Variants in LDLRAD4 observed in about 807,000 individuals in gnomAD.
LDLRAD4 encodes low density lipoprotein receptor class A domain containing 4, also known as low-density lipoprotein receptor class A domain-containing protein 4.
LDLRAD4 carries 5 observed loss-of-function variants against 17.0 expected under a neutral mutation model. The ratio of observed to expected loss-of-function variants is 0.29; its 90% CI spans 0.15 to 0.62. The LOEUF is 0.62. Ranked by LOEUF, LDLRAD4 falls within the 20% of genes least tolerant of loss-of-function variation. The pLI is 0.84. For synonymous variants in LDLRAD4, 168 were observed against 171.8 expected (o/e 0.98, Z 0.17); for missense variants, 340 against 424.7 (o/e 0.80, Z 1.75).
At chr18:13,232,266 C>T (rs923947099) in intron 1 of LDLRAD4, among the ~76,000 whole-genome samples, 1 of 152,210 alleles carries the variant, frequency 6.6e-6, no homozygotes, top group Admixed American at 6.5e-5. Context: ...AGTGCAGAGA[C>T]TTGGCCTGGT....
chr18:13,379,518 A>T (rs965895351), intron 1 of LDLRAD4, among the ~76,000 whole-genome samples: 1 of 152,240 alleles, frequency 6.6e-6, no homozygotes, highest in Non-Finnish European at 1.5e-5. Context: ...AGACACAAGG[A>T]TCTGGGCCCC....
intron 1 of LDLRAD4, among the ~76,000 whole-genome samples, chr18:13,279,102 C>T (rs117607381): frequency 0.018 from 2,685 of 152,254 alleles, 25 homozygotes; most frequent in Middle Eastern, 0.031. Flanking sequence ...CTGCTGAGCT[C>T]GTGTGTTTCT....
At chr18:13,306,334 C>G (rs2046912682) in intron 1 of LDLRAD4, among the ~76,000 whole-genome samples, 1 of 152,228 alleles carries the variant, frequency 6.6e-6, no homozygotes, top group Non-Finnish European at 1.5e-5. Flanking sequence ...AGTGAGAACT[C>G]TTTTCCTGGA....
At chr18:13,325,841 C>A (rs930817535) in intron 1 of LDLRAD4, among the ~76,000 whole-genome samples, 2 of 152,144 alleles carry the variant, frequency 1.3e-5, no homozygotes, top group Non-Finnish European at 2.9e-5. Context: ...CAAGCTCCCC[C>A]TCCCGGGTTC....
chr18:13,632,377 G>A (rs2041742866), intron 4 of LDLRAD4, among the ~76,000 whole-genome samples: 1 of 152,272 alleles, frequency 6.6e-6, no homozygotes, highest in Admixed American at 6.5e-5. Flanking sequence ...TCCAGCCACT[G>A]TGCACAGCCA....
chr18:13,324,164 G>T (rs1324491930), intron 1 of LDLRAD4, among the ~76,000 whole-genome samples: 2 of 150,032 alleles, frequency 1.3e-5, no homozygotes, highest in African/African-American at 4.9e-5. Context: ...TTGAGACGGA[G>T]TCTCGCTCTG....
At chr18:13,399,168 G>C (rs949717754) in intron 2 of LDLRAD4, among the ~76,000 whole-genome samples, 1 of 151,944 alleles carries the variant, frequency 6.6e-6, no homozygotes, top group Non-Finnish European at 1.5e-5. Flanking sequence ...TTGCACTCCA[G>C]CCTGGGTGAC....
At chr18:13,429,565 A>G (rs1475928714) in intron 2 of LDLRAD4, among the ~76,000 whole-genome samples, 1 of 152,256 alleles carries the variant, frequency 6.6e-6, no homozygotes, top group Non-Finnish European at 1.5e-5. Flanking sequence ...GTACCAAAGA[A>G]CTAATGTGGG....
chr18:13,465,377 C>T (rs1439306164), intron 3 of LDLRAD4, among the ~76,000 whole-genome samples: 1 of 152,074 alleles, frequency 6.6e-6, no homozygotes, highest in African/African-American at 2.4e-5. Flanking sequence ...ATGATGTAAC[C>T]CTTTATAACT....
chr18:13,575,955 C>T (rs1346542046), intron 3 of LDLRAD4, among the ~76,000 whole-genome samples: 1 of 152,050 alleles, frequency 6.6e-6, no homozygotes, highest in Non-Finnish European at 1.5e-5. Context: ...GTTTGAGTTC[C>T]TTGTAGATTA....
At chr18:13,592,496 A>G (rs1009711669) in intron 3 of LDLRAD4, among the ~76,000 whole-genome samples, 1 of 152,250 alleles carries the variant, frequency 6.6e-6, no homozygotes, top group African/African-American at 2.4e-5. Flanking sequence ...ACGATTAGGA[A>G]AGTGAATGAC....
rs1352813325 is a variant in LDLRAD4 at position 13,588,119 on chromosome 18, G to A, written c.182-32998G>A. Among the ~76,000 whole-genome samples, 3 of 152,248 alleles carry A rather than the reference G, an allele frequency of 2.0e-5. No individual in the cohort carries two copies. The East Asian group carries it at 5.8e-4, about 29-fold the overall frequency. On this transcript the variant is annotated intron_variant, in intron 3 of 5. Transcript: ENST00000359446. ...CCATTCTCAGAAGAATAATTTCTTT[G>A]TCCTCCTGTCCCATTGAGAAGCTTT...
At chr18:13,377,630 G>T (rs1261894521) in intron 1 of LDLRAD4, among the ~76,000 whole-genome samples, 1 of 152,182 alleles carries the variant, frequency 6.6e-6, no homozygotes, top group Non-Finnish European at 1.5e-5. Context: ...AATAGAAACC[G>T]CTTCCTCTCT....
rs1331867661 is a variant in LDLRAD4, at chr18:13,255,209, G to A, written c.-466-22896G>A. On this transcript the variant is annotated intron_variant, in intron 1 of 5. Coordinates refer to the LDLRAD4 transcript ENST00000399848. The stretch of plus-strand genomic sequence containing the variant: ...ACAGATGCCCGCCCCCCCCAGCCCC[G>A]GGATGCTCCACACCCAGCAGGTGCT... Among the ~76,000 whole-genome samples the A allele has an allele frequency of 4.6e-5, 7 of 151,394 alleles. No homozygotes were observed. The East Asian group carries it at 5.9e-4, about 13-fold the overall frequency.
intron 1 of LDLRAD4, among the ~76,000 whole-genome samples, chr18:13,385,294 A>G (rs11080648): frequency 0.15 from 22,984 of 152,194 alleles, 3,190 homozygotes; most frequent in African/African-American, 0.36. Context: ...TTTGAGAAAC[A>G]TCTTTTCAGG....
At chr18:13,218,314 C>T (rs2041262485), upstream of LDLRAD4, among the ~76,000 whole-genome samples, 1 of 152,114 alleles carries the variant, frequency 6.6e-6, no homozygotes, top group Admixed American at 6.5e-5. Context: ...GTGGGCACGG[C>T]GGGGATCCGG....
At chr18:13,332,102 C>T (rs1019614336) in intron 1 of LDLRAD4, among the ~76,000 whole-genome samples, 3 of 152,146 alleles carry the variant, frequency 2.0e-5, no homozygotes, top group South Asian at 2.1e-4. Context: ...TCTATTTCTT[C>T]CTGTGGAATT....
chr18:13,448,159 C>T (rs912592211), intron 3 of LDLRAD4, among the ~76,000 whole-genome samples: 2 of 152,192 alleles, frequency 1.3e-5, no homozygotes, highest in African/African-American at 4.8e-5. Flanking sequence ...TGATATATTT[C>T]AGACCCAGGC....
At chr18:13,220,492 C>G (rs147920380) in intron 1 of LDLRAD4, among the ~76,000 whole-genome samples, 19 of 152,292 alleles carry the variant, frequency 1.2e-4, no homozygotes, top group African/African-American at 4.3e-4. Context: ...GCAGCCAGTG[C>G]CAGCTGCTTA....
Sources: allele counts gnomAD v4.1 joint callset (sites outside exome capture counted in the v4.1 genomes callset), GRCh38; gene constraint gnomAD v4.1.1; transcripts MANE v1.5; gene names NCBI Gene and HGNC (gene_info 2026-07-23, HGNC 2026-07-21).